Variants in STK39 observed in about 807,000 individuals in gnomAD.
STK39 encodes serine/threonine kinase 39, also known as STE20/SPS1-related proline-alanine-rich protein kinase.
STK39 carries 20 observed loss-of-function variants against 77.8 expected under a neutral mutation model. That is an observed-to-expected ratio of 0.26 (90% CI 0.18 to 0.37). The LOEUF is 0.37. Ranked by LOEUF, STK39 falls within the 10% of genes least tolerant of loss-of-function variation. The pLI, the probability that STK39 is intolerant of heterozygous loss-of-function variation, is 1.00. For synonymous variants in STK39, 246 were observed against 234.1 expected (o/e 1.05, Z -0.47); for missense variants, 479 against 656.5 (o/e 0.73, Z 2.95).
intron 8 of STK39, among the ~76,000 whole-genome samples, chr2:168,132,591 T>C (rs1687727652): frequency 6.6e-6 from 1 of 152,162 alleles, no homozygotes; most frequent in African/African-American, 2.4e-5. Flanking sequence ...CTTTTCTTGC[T>C]TCCAAATTTT....
rs983015524 is a variant in STK39 at position 167,988,604 on chromosome 2, G to GA, written c.1499-23879dup. Among the ~76,000 whole-genome samples, 263 of 143,514 alleles carry GA rather than the reference G, an allele frequency of 1.8e-3. 4 individuals are homozygous for GA. Among genetic ancestry groups the GA allele is most frequent in the African/African-American group, 4.9e-3 (191 of 38,928 alleles). The allele number at this position is 143,514 out of a possible 152,430, so 94.2% of individuals were successfully genotyped here. ...TTCCATGTCTTTTATCCTGCTTTAA[G>GA]AAAAAAAAAATCCTTCTTCCATAGG... On this transcript the variant is annotated intron_variant, in intron 16 of 17. Coordinates refer to ENST00000355999, the MANE Select transcript of STK39 (RefSeq NM_013233.3).
At chr2:168,179,860 C>T (rs555204253) in intron 2 of STK39, among the ~76,000 whole-genome samples, 2 of 152,240 alleles carry the variant, frequency 1.3e-5, no homozygotes, top group Admixed American at 6.5e-5. Context: ...GTGGAGGAAA[C>T]GCTAGCAGAG....
chr2:167,957,981 T>C (rs775311458), intron 17 of STK39, among the ~76,000 whole-genome samples: 2 of 152,198 alleles, frequency 1.3e-5, no homozygotes, highest in Non-Finnish European at 1.5e-5. Flanking sequence ...CTGTGTTTGC[T>C]TCAAGGCGCT....
rs1371582180 is a variant in STK39 at position 168,017,115 on chromosome 2, A to C, written c.1377-20T>G. 4 of 1,565,462 alleles carry C rather than the reference A, an allele frequency of 2.6e-6. No individual in the cohort carries two copies. The South Asian group carries it at 4.7e-5, about 19-fold the overall frequency. On this transcript the variant is annotated intron_variant, in intron 14 of 17. Coordinates refer to ENST00000355999, the MANE Select transcript of STK39 (RefSeq NM_013233.3). The stretch of plus-strand genomic sequence containing the variant: ...GAGTTTCTGAAATACATAACATATA[A>C]TACATTAAAGTCTAGGGAAGCAGAG...
At chr2:168,058,624 C>A (rs73017382) in intron 14 of STK39, among the ~76,000 whole-genome samples, 1 of 152,328 alleles carries the variant, frequency 6.6e-6, no homozygotes, top group African/African-American at 2.4e-5. Flanking sequence ...ACCTGCAACT[C>A]AAACTCTCTT....
At chr2:168,097,295 C>T (rs963799601) in intron 10 of STK39, among the ~76,000 whole-genome samples, 5 of 152,242 alleles carry the variant, frequency 3.3e-5, no homozygotes, top group Non-Finnish European at 4.4e-5. Flanking sequence ...TTTACCAAGT[C>T]TTAGGCATTG....
At chr2:168,123,685 A>G (rs1179959198) in intron 10 of STK39, among the ~76,000 whole-genome samples, 3 of 152,052 alleles carry the variant, frequency 2.0e-5, no homozygotes, top group African/African-American at 7.2e-5. Flanking sequence ...CCTGGCCAAC[A>G]TGGTGAAATC....
chr2:168,076,869 T>C (rs887335408), intron 10 of STK39, among the ~76,000 whole-genome samples: 2 of 152,162 alleles, frequency 1.3e-5, no homozygotes, highest in Non-Finnish European at 2.9e-5. Context: ...CTTATAGATG[T>C]TGGCAAAGTA....
chr2:168,224,551 C>G (rs779810899), intron 1 of STK39, among the ~76,000 whole-genome samples: 2 of 152,134 alleles, frequency 1.3e-5, no homozygotes, highest in African/African-American at 2.4e-5. Context: ...CCAAAGCAAT[C>G]AAATAGAGAT....
Position 168,089,557 on chromosome 2 carries a change from C to G in STK39, c.1090-14326G>C, listed in dbSNP as rs1304267607. Among the ~76,000 whole-genome samples the G allele has an allele frequency of 2.0e-5, 3 of 152,194 alleles. No homozygotes were observed. The East Asian group carries it at 5.8e-4, about 29-fold the overall frequency. ...AATATGGTCAAATCAAGAATGTCAACTTATTTTCACCTGCATTTATTGCAA... is the reference window on the plus strand; with the variant it reads ...AATATGGTCAAATCAAGAATGTCAAGTTATTTTCACCTGCATTTATTGCAA... On this transcript the variant is annotated intron_variant, in intron 10 of 17. Coordinates refer to ENST00000355999, the MANE Select transcript of STK39 (RefSeq NM_013233.3).
At chr2:168,111,734 T>C (rs539899956) in intron 10 of STK39, among the ~76,000 whole-genome samples, 1 of 152,322 alleles carries the variant, frequency 6.6e-6, no homozygotes, top group Non-Finnish European at 1.5e-5. Flanking sequence ...GCAATATCAA[T>C]TTGTATTCCA....
chr2:168,007,736 G>C (rs1354584841), intron 16 of STK39, among the ~76,000 whole-genome samples: 1 of 152,090 alleles, frequency 6.6e-6, no homozygotes, highest in Non-Finnish European at 1.5e-5. Context: ...TGGCTGGGGT[G>C]GGGTGAGCAA....
intron 1 of STK39, among the ~76,000 whole-genome samples, chr2:168,188,190 A>G (rs1477781209): frequency 1.3e-5 from 2 of 152,168 alleles, no homozygotes; most frequent in African/African-American, 4.8e-5. Context: ...AGCTCTATTT[A>G]TATCATGTGT....
chr2:168,078,705 A>C (rs903946170), intron 10 of STK39, among the ~76,000 whole-genome samples: 1 of 150,620 alleles, frequency 6.6e-6, no homozygotes, highest in South Asian at 2.1e-4. Flanking sequence ...ACCAAAACTT[A>C]GTAGAATTTG....
At chr2:168,087,170 C>T (rs1468974119) in intron 10 of STK39, among the ~76,000 whole-genome samples, 6 of 152,136 alleles carry the variant, frequency 3.9e-5, no homozygotes, top group South Asian at 2.1e-4. Context: ...AGAGCAGAGT[C>T]GAGGTTGCTT....
chr2:168,223,703 G>T (rs1690235150), intron 1 of STK39, among the ~76,000 whole-genome samples: 1 of 151,964 alleles, frequency 6.6e-6, no homozygotes, highest in Non-Finnish European at 1.5e-5. Context: ...CCAAGTCTCT[G>T]CCTCCTGATT....
At chr2:168,156,020 G>T (rs1688419169) in intron 5 of STK39, among the ~76,000 whole-genome samples, 1 of 152,178 alleles carries the variant, frequency 6.6e-6, no homozygotes, top group Non-Finnish European at 1.5e-5. Flanking sequence ...TTCTCCCTCT[G>T]GGAAGTATCC....
intron 14 of STK39, among the ~76,000 whole-genome samples, chr2:168,051,797 G>A: frequency 6.6e-6 from 1 of 151,960 alleles, no homozygotes; most frequent in East Asian, 1.9e-4. Context: ...TTGACTCCTG[G>A]GGCTGACACT....
chr2:168,083,619 G>A (rs77299094), intron 10 of STK39, among the ~76,000 whole-genome samples: 2,268 of 152,138 alleles, frequency 0.015, 54 homozygotes, highest in African/African-American at 0.052. Flanking sequence ...GGACAGTATG[G>A]AAGGGTAGCT....
Sources: gnomAD v4.1 joint callset for allele counts (sites outside exome capture counted in the v4.1 genomes callset) on GRCh38, gnomAD v4.1.1 for gene constraint, MANE v1.5 for transcripts, NCBI Gene and HGNC (gene_info 2026-07-23, HGNC 2026-07-21) for gene names.